Variants in MACROD2 observed in about 807,000 individuals in gnomAD.
MACROD2 encodes the protein ADP-ribose glycohydrolase MACROD2.
A neutral mutation model predicts 70.4 loss-of-function variants in MACROD2; 36 were observed. The ratio of observed to expected loss-of-function variants is 0.51; its 90% confidence interval spans 0.39 to 0.68. The LOEUF (loss-of-function observed/expected upper bound fraction) is 0.68, where lower values mean the gene tolerates loss of function less well. Among genes scored for constraint, MACROD2 ranks in the 30% least tolerant of loss-of-function variants. The pLI, the probability that MACROD2 is intolerant of heterozygous loss-of-function variation, is 0.00. For synonymous variants in MACROD2, 172 were observed against 178.8 expected (o/e 0.96, Z 0.30); for missense variants, 496 against 538.4 (o/e 0.92, Z 0.78).
At chr20:14,073,090 C>A (rs953563807) in intron 2 of MACROD2, among the ~76,000 whole-genome samples, 10 of 152,076 alleles carry the variant, frequency 6.6e-5, no homozygotes, top group Non-Finnish European at 1.3e-4. Context: ...AATCCTAGAA[C>A]TTTGAGAGGC....
chr20:15,181,677 T>C (rs762421827), intron 5 of MACROD2, among the ~76,000 whole-genome samples: 9 of 152,188 alleles, frequency 5.9e-5, no homozygotes, highest in Non-Finnish European at 1.3e-4. Flanking sequence ...ATAGATGGTG[T>C]TCCTTATTTT....
chr20:15,946,372 A>G (rs941667674), intron 12 of MACROD2, among the ~76,000 whole-genome samples: 1 of 152,074 alleles, frequency 6.6e-6, no homozygotes, highest in African/African-American at 2.4e-5. Flanking sequence ...TCCTTCTTCC[A>G]TCACAAATTA....
intron 4 of MACROD2, among the ~76,000 whole-genome samples, chr20:14,628,305 A>G (rs1428920748): frequency 6.6e-6 from 1 of 152,172 alleles, no homozygotes; most frequent in Non-Finnish European, 1.5e-5. Flanking sequence ...TGTAGAGAGA[A>G]TGGATTAGAG....
chr20:16,041,334 T>C (rs1347470423), intron 16 of MACROD2, 56 bp downstream of exon 16: 2 of 1,398,634 alleles, frequency 1.4e-6, no homozygotes, highest in Non-Finnish European at 2.0e-6. Flanking sequence ...ATATTTTCTA[T>C]GTGTAATCTA....
chr20:15,419,585 C>T (rs2046200415), intron 6 of MACROD2, among the ~76,000 whole-genome samples: 1 of 152,198 alleles, frequency 6.6e-6, no homozygotes, highest in East Asian at 1.9e-4. Flanking sequence ...GCCCAGGAGG[C>T]CCCCCTCTCA....
intron 4 of MACROD2, among the ~76,000 whole-genome samples, chr20:14,651,901 C>T (rs1263911259): frequency 3.9e-5 from 6 of 151,944 alleles, no homozygotes; most frequent in African/African-American, 1.5e-4. Context: ...TAGGTAGCAG[C>T]CTCTGTTTCT....
intron 6 of MACROD2, among the ~76,000 whole-genome samples, chr20:15,249,176 A>G (rs1172184768): frequency 6.6e-6 from 1 of 152,086 alleles, no homozygotes; most frequent in Non-Finnish European, 1.5e-5. Flanking sequence ...CCTCTTGCAT[A>G]GCTAGCACCT....
At chr20:15,118,205 T>TTTTG (rs1447691930) in intron 5 of MACROD2, among the ~76,000 whole-genome samples, 1 of 150,874 alleles carries the variant, frequency 6.6e-6, no homozygotes, top group Non-Finnish European at 1.5e-5. Flanking sequence ...AATTTTTTTT[T>TTTTG]TTTTTTGAGC....
At chr20:15,659,136 A>G (rs942769104) in intron 8 of MACROD2, among the ~76,000 whole-genome samples, 1 of 152,116 alleles carries the variant, frequency 6.6e-6, no homozygotes, top group Admixed American at 6.5e-5. Flanking sequence ...CCCACTGTAT[A>G]TGATGTCAGA....
intron 4 of MACROD2, among the ~76,000 whole-genome samples, chr20:14,515,465 G>GCGCGCGCACACACACACA (rs1369248292): frequency 7.9e-6 from 1 of 127,066 alleles, no homozygotes; most frequent in African/African-American, 3.1e-5. Context: ...ACACACACAC[G>GCGCGCGCACACACACACA]CACACACACA....
intron 8 of MACROD2, among the ~76,000 whole-genome samples, chr20:15,546,143 G>A (rs902374253): frequency 1.3e-5 from 2 of 152,176 alleles, no homozygotes; most frequent in African/African-American, 4.8e-5. Flanking sequence ...TACTTGGGAG[G>A]CTGAGGCAGG....
Position 15,050,533 on chromosome 20 carries a change from C to CTTTTTTTTTTTT in MACROD2, c.419-179392_419-179381dup, listed in dbSNP as rs386393390. On this transcript the variant is annotated intron_variant, in intron 5 of 17. Transcript: ENST00000684519. Reference sequence around the variant, plus strand: ...GTCTTTTTACACTTTCTATTTAGGTCTTTTTTTTTTTTTTTTTTTTTTTTT... The same window carrying CTTTTTTTTTTTT: ...GTCTTTTTACACTTTCTATTTAGGTCTTTTTTTTTTTTTTTTTTTTTTTTTTTTTTTTTTTTT... Among the ~76,000 whole-genome samples, 16 of 77,896 alleles carry CTTTTTTTTTTTT rather than the reference C, an allele frequency of 2.1e-4. 1 individual carries two copies. Among genetic ancestry groups the CTTTTTTTTTTTT allele is most frequent in the African/African-American group, 5.6e-4 (9 of 16,044 alleles). The allele number at this position is 77,896 out of a possible 152,430, so 51.1% of individuals were successfully genotyped here.
At chr20:15,225,440 T>TG (rs1461772396) in intron 5 of MACROD2, among the ~76,000 whole-genome samples, 1 of 152,180 alleles carries the variant, frequency 6.6e-6, no homozygotes, top group African/African-American at 2.4e-5. Context: ...ATAAAAGCAG[T>TG]GAAAAGTTTC....
At chr20:14,058,500 T>C (rs988038349) in intron 2 of MACROD2, among the ~76,000 whole-genome samples, 2 of 151,916 alleles carry the variant, frequency 1.3e-5, no homozygotes, top group African/African-American at 2.4e-5. Context: ...TTTTCATTTG[T>C]TGATTATATC....
intron 4 of MACROD2, among the ~76,000 whole-genome samples, chr20:14,605,832 TA>T (rs1203339953): frequency 2.0e-5 from 3 of 151,838 alleles, no homozygotes; most frequent in East Asian, 3.9e-4. Flanking sequence ...TGAGATACAT[TA>T]AAAAAAATGG....
At chr20:15,111,711 AT>A (rs2075956842) in intron 5 of MACROD2, among the ~76,000 whole-genome samples, 2 of 152,240 alleles carry the variant, frequency 1.3e-5, no homozygotes, top group Admixed American at 1.3e-4. Flanking sequence ...ACATACAAGT[AT>A]CACTGTTTTC....
chr20:14,217,501 A>G (rs1296970537), intron 3 of MACROD2, among the ~76,000 whole-genome samples: 1 of 152,034 alleles, frequency 6.6e-6, no homozygotes. Context: ...TGGTTTTGGT[A>G]TTAGGGTGAT....
At chr20:16,035,044 TAATATAG>T (rs1335645058) in intron 15 of MACROD2, among the ~76,000 whole-genome samples, 1 of 140,956 alleles carries the variant, frequency 7.1e-6, no homozygotes. Context: ...ATATAAAATA[TAATATAG>T]AATATAAAAT....
intron 4 of MACROD2, among the ~76,000 whole-genome samples, chr20:14,515,915 TAC>T (rs2085092506): frequency 6.6e-6 from 1 of 150,532 alleles, no homozygotes. Context: ...TTGATCTTTC[TAC>T]AGTGTATACA....
Sources: gnomAD v4.1 joint callset for allele counts (sites outside exome capture counted in the v4.1 genomes callset) on GRCh38, gnomAD v4.1.1 for gene constraint, MANE v1.5 for transcripts, NCBI Gene and HGNC (gene_info 2026-07-23, HGNC 2026-07-21) for gene names.